PDE1C: variants seen among roughly 807,000 people sequenced by gnomAD.
PDE1C encodes dual specificity calcium/calmodulin-dependent 3',5'-cyclic nucleotide phosphodiesterase 1C.
Under a neutral mutation model 93.1 loss-of-function variants are expected in PDE1C, and 62 were observed. The ratio of observed to expected loss-of-function variants is 0.67; its 90% CI spans 0.54 to 0.82. The LOEUF (loss-of-function observed/expected upper bound fraction) is 0.82. Among genes scored for constraint, PDE1C ranks in the 40% least tolerant of loss-of-function variants. The pLI is 0.00. For missense variants in PDE1C, 742 were observed against 884.6 expected, an observed-to-expected ratio of 0.84 and a Z score of 2.04; for synonymous variants, 325 against 310.1, an observed-to-expected ratio of 1.05 and a Z score of -0.50.
chr7:32,139,205 G>A (rs188132689), intron 3 of PDE1C, among the ~76,000 whole-genome samples: 54 of 151,720 alleles, frequency 3.6e-4, no homozygotes, highest in African/African-American at 1.1e-3. Context: ...GCATGATCAC[G>A]GCTCACTGCA....
intron 2 of PDE1C, among the ~76,000 whole-genome samples, chr7:31,925,060 TG>T (rs1803181899): frequency 7.5e-6 from 1 of 133,668 alleles, no homozygotes; most frequent in African/African-American, 3.0e-5. Flanking sequence ...TGTGTGTGTG[TG>T]TGTGTGTGTG....
intron 3 of PDE1C, among the ~76,000 whole-genome samples, chr7:32,133,362 AC>A (rs903601677): frequency 5.3e-5 from 8 of 152,286 alleles, no homozygotes; most frequent in African/African-American, 1.7e-4. Context: ...GGAGCAAGTC[AC>A]CAGTACAGAG....
chr7:32,208,823 T>G (rs1805804481), intron 2 of PDE1C, among the ~76,000 whole-genome samples: 1 of 152,168 alleles, frequency 6.6e-6, no homozygotes, highest in Non-Finnish European at 1.5e-5. Flanking sequence ...AGACTCCTAC[T>G]CATAGGGATC....
chr7:32,174,986 C>T (rs956687573), intron 2 of PDE1C, among the ~76,000 whole-genome samples: 5 of 152,026 alleles, frequency 3.3e-5, no homozygotes, highest in East Asian at 1.9e-4. Flanking sequence ...GCTTTTTCAC[C>T]GTTTTCTCAG....
At chr7:31,844,286 C>G (rs1792274146) in intron 9 of PDE1C, among the ~76,000 whole-genome samples, 2 of 151,396 alleles carry the variant, frequency 1.3e-5, no homozygotes, top group Non-Finnish European at 3.0e-5. Context: ...ATTTTTGAAA[C>G]TACCTTAAAG....
intron 16 of PDE1C, among the ~76,000 whole-genome samples, chr7:31,806,585 A>G (rs1786855457): frequency 6.6e-6 from 1 of 152,078 alleles, no homozygotes; most frequent in Middle Eastern, 3.4e-3. Flanking sequence ...TACAGCTGCA[A>G]TGTGTTCATT....
chr7:32,142,295 G>T (rs1276046195), intron 3 of PDE1C, among the ~76,000 whole-genome samples: 1 of 152,154 alleles, frequency 6.6e-6, no homozygotes, highest in Non-Finnish European at 1.5e-5. Context: ...TTTTATTCTT[G>T]CTCAAGAGCA....
chr7:31,797,063 C>A (rs1785390330), intron 16 of PDE1C, among the ~76,000 whole-genome samples: 6 of 151,620 alleles, frequency 4.0e-5, no homozygotes, highest in Admixed American at 4.0e-4. Flanking sequence ...TTAGAAAACA[C>A]CTGCTAAACC....
At chr7:31,777,709 A>G (rs886760958) in intron 16 of PDE1C, among the ~76,000 whole-genome samples, 1 of 152,172 alleles carries the variant, frequency 6.6e-6, no homozygotes, top group Non-Finnish European at 1.5e-5. Flanking sequence ...GTTATTGTTA[A>G]TCATTATTAT....
At chr7:31,804,578 T>C (rs1214735054) in intron 16 of PDE1C, among the ~76,000 whole-genome samples, 4 of 151,882 alleles carry the variant, frequency 2.6e-5, no homozygotes, top group Non-Finnish European at 5.9e-5. Flanking sequence ...ATTGCATTGA[T>C]AGAAGATTTC....
intron 2 of PDE1C, among the ~76,000 whole-genome samples, chr7:31,930,727 T>C (rs527488520): frequency 1.6e-4 from 24 of 151,702 alleles, no homozygotes; most frequent in South Asian, 4.2e-4. Flanking sequence ...TACACACCTG[T>C]AGTCCCAGCT....
At chr7:32,022,963 C>CT (rs113917693) in intron 2 of PDE1C, among the ~76,000 whole-genome samples, 3,908 of 144,544 alleles carry the variant, frequency 0.027, 176 homozygotes, top group African/African-American at 0.085. Flanking sequence ...CCTTCTATTT[C>CT]TTTTTTTTTT....
chr7:32,414,268 A>G (rs915239331), intron 1 of PDE1C, among the ~76,000 whole-genome samples: 4 of 151,974 alleles, frequency 2.6e-5, no homozygotes, highest in African/African-American at 9.7e-5. Context: ...AGAGGGGTAA[A>G]TTATACTACC....
At chr7:32,312,724 C>T (rs1783077732) in intron 1 of PDE1C, among the ~76,000 whole-genome samples, 1 of 152,164 alleles carries the variant, frequency 6.6e-6, no homozygotes, top group Non-Finnish European at 1.5e-5. Context: ...AAACTTGATC[C>T]CTTCCTTACA....
the PDE1C span, among the ~76,000 whole-genome samples, chr7:31,711,011 G>C: frequency 6.6e-6 from 1 of 152,186 alleles, no homozygotes; most frequent in Admixed American, 6.5e-5. Context: ...AGAAGAAAAG[G>C]ATAGGTGTAT....
At chr7:32,234,870 A>G (rs1226025193) in intron 1 of PDE1C, among the ~76,000 whole-genome samples, 1 of 152,042 alleles carries the variant, frequency 6.6e-6, no homozygotes, top group African/African-American at 2.4e-5. Context: ...AAATACCTAA[A>G]TAAAGTGTTA....
the PDE1C span, among the ~76,000 whole-genome samples, chr7:31,674,562 A>G: frequency 1.3e-5 from 2 of 152,172 alleles, no homozygotes; most frequent in Admixed American, 1.3e-4. Context: ...ATGTGTTGAT[A>G]TAGAGATAGA....
At chr7:32,056,321 T>TCTCTCC (rs1794075569) in intron 1 of PDE1C, among the ~76,000 whole-genome samples, 1 of 3,686 alleles carries the variant, frequency 2.7e-4, no homozygotes, top group African/African-American at 1.1e-3. Context: ...GGTCCACCGT[T>TCTCTCC]CTCTCTCTCT....
intron 3 of PDE1C, among the ~76,000 whole-genome samples, chr7:32,145,040 A>G: frequency 6.6e-6 from 1 of 152,206 alleles, no homozygotes; most frequent in Non-Finnish European, 1.5e-5. Context: ...AATTACTTTG[A>G]TTCAACAATG....
Sources: allele counts gnomAD v4.1 joint callset (sites outside exome capture counted in the v4.1 genomes callset), GRCh38; gene constraint gnomAD v4.1.1; transcripts MANE v1.5; gene names NCBI Gene and HGNC (gene_info 2026-07-23, HGNC 2026-07-21).